ROBO2: variants seen among roughly 807,000 people sequenced by gnomAD.
The protein encoded by ROBO2 is roundabout homolog 2.
In ROBO2, 53 loss-of-function variants were observed where a neutral mutation model predicts 160.8. That is an observed-to-expected ratio of 0.33 (90% CI 0.26 to 0.41). ROBO2 has a LOEUF of 0.41. Among genes scored for constraint, ROBO2 ranks in the 10% least tolerant of loss-of-function variants. The pLI, the probability that ROBO2 is intolerant of heterozygous loss-of-function variation, is 1.00. For missense variants in ROBO2, 1,577 were observed against 1,722.4 expected (o/e 0.92, Z 1.49); for synonymous variants, 664 against 611.7 (o/e 1.09, Z -1.26).
chr3:77,490,158 G>T (rs1327818730), intron 4 of ROBO2, among the ~76,000 whole-genome samples: 130 of 149,758 alleles, frequency 8.7e-4, no homozygotes, highest in Non-Finnish European at 8.8e-4. Context: ...TGGAGTGCAG[G>T]GGCCCAATCT....
At chr3:77,205,963 T>A (rs2083398088) in intron 2 of ROBO2, among the ~76,000 whole-genome samples, 1 of 152,090 alleles carries the variant, frequency 6.6e-6, no homozygotes, top group Non-Finnish European at 1.5e-5. Flanking sequence ...TTTGGGGGAC[T>A]GGAAATTTGA....
intron 2 of ROBO2, among the ~76,000 whole-genome samples, chr3:76,651,265 G>T (rs975306501): frequency 6.6e-6 from 1 of 151,972 alleles, no homozygotes; most frequent in Non-Finnish European, 1.5e-5. Context: ...GAAGTTCCAG[G>T]GTTCTAGCTC....
chr3:76,950,357 T>C (rs1187072742), intron 2 of ROBO2, among the ~76,000 whole-genome samples: 6 of 152,230 alleles, frequency 3.9e-5, no homozygotes, highest in Non-Finnish European at 7.3e-5. Context: ...TTAATCTTTA[T>C]GTTACTTTGT....
At chr3:76,011,454 G>A (rs2066192153) in intron 2 of ROBO2, among the ~76,000 whole-genome samples, 1 of 152,086 alleles carries the variant, frequency 6.6e-6, no homozygotes, top group Non-Finnish European at 1.5e-5. Context: ...GAAGTGGTTG[G>A]TTTAGATGGG....
chr3:76,380,276 A>G (rs1384851929), intron 2 of ROBO2, among the ~76,000 whole-genome samples: 1 of 152,154 alleles, frequency 6.6e-6, no homozygotes, highest in East Asian at 1.9e-4. Flanking sequence ...ACATTTCCTA[A>G]TTCATCTAGT....
chr3:77,593,003 T>A (rs1042424474), intron 17 of ROBO2, among the ~76,000 whole-genome samples: 6 of 152,208 alleles, frequency 3.9e-5, no homozygotes, highest in African/African-American at 1.4e-4. Flanking sequence ...TTCTCTAATA[T>A]TATTTATTGC....
chr3:76,674,666 C>G (rs1464247450), intron 2 of ROBO2, among the ~76,000 whole-genome samples: 1 of 150,370 alleles, frequency 6.7e-6, no homozygotes, highest in Non-Finnish European at 1.5e-5. Flanking sequence ...ATAGCACAAA[C>G]AAACAGTGCT....
chr3:76,127,084 G>A (rs1282003707), intron 2 of ROBO2, among the ~76,000 whole-genome samples: 1 of 152,058 alleles, frequency 6.6e-6, no homozygotes, highest in Non-Finnish European at 1.5e-5. Context: ...GTTCTTAGAT[G>A]CTCAGGAATT....
exon 5 of ROBO2, chr3:77,493,284 A>G: frequency 6.2e-7 from 1 of 1,613,924 alleles, no homozygotes; most frequent in South Asian, 1.1e-5. Context: ...ACCAGGTGGT[A>G]CTGGAGGAAG....
chr3:76,802,350 A>G (rs747266120), intron 2 of ROBO2, among the ~76,000 whole-genome samples: 2 of 152,182 alleles, frequency 1.3e-5, no homozygotes, highest in Non-Finnish European at 2.9e-5. Flanking sequence ...TTGAAAATCT[A>G]TTAGTTTACC....
At chr3:76,439,272 A>G (rs1413464511) in intron 2 of ROBO2, among the ~76,000 whole-genome samples, 1 of 150,468 alleles carries the variant, frequency 6.6e-6, no homozygotes, top group Non-Finnish European at 1.5e-5. Context: ...AACAGAAACA[A>G]ATGTAAAATG....
chr3:76,244,276 G>A (rs1259867545), intron 2 of ROBO2, among the ~76,000 whole-genome samples: 1 of 152,164 alleles, frequency 6.6e-6, no homozygotes, highest in East Asian at 1.9e-4. Context: ...CTTTGTCTTT[G>A]TAACATAAAT....
chr3:77,008,675 G>A (rs113437631), intron 2 of ROBO2, among the ~76,000 whole-genome samples: 29 of 152,112 alleles, frequency 1.9e-4, no homozygotes, highest in African/African-American at 6.0e-4. Context: ...AGCTGAAAAC[G>A]CACCTGAAAG....
intron 2 of ROBO2, among the ~76,000 whole-genome samples, chr3:77,258,668 A>G (rs778674692): frequency 1.3e-5 from 2 of 151,416 alleles, no homozygotes; most frequent in Non-Finnish European, 2.9e-5. Context: ...TAAGAATTTC[A>G]TGCCTTTCAA....
In ROBO2 at chr3:75,912,886, A is replaced by G. The variant is rs1420836111; in HGVS notation, c.-14+5926A>G. Among the ~76,000 whole-genome samples, 5 of 152,158 alleles carry G rather than the reference A, an allele frequency of 3.3e-5. No individual in the cohort carries two copies. In the East Asian group the frequency reaches 9.6e-4, roughly 29 times the overall value. On this transcript the variant is annotated intron_variant, in intron 1 of 26. Transcript: ENST00000487694. ...AATCCCTTAAGTTTGTCACTATTGC[A>G]CTTTATTTCCTTTGCTTATTGTAGT...
intron 2 of ROBO2, among the ~76,000 whole-genome samples, chr3:76,228,567 A>C (rs1388723648): frequency 3.3e-5 from 5 of 152,200 alleles, no homozygotes; most frequent in African/African-American, 1.2e-4. Flanking sequence ...TCATATTCAT[A>C]AAAGAACAAA....
At chr3:75,939,512 T>C (rs895555041) in intron 2 of ROBO2, among the ~76,000 whole-genome samples, 2 of 152,140 alleles carry the variant, frequency 1.3e-5, no homozygotes, top group African/African-American at 4.8e-5. Flanking sequence ...AAATGCAAGT[T>C]AAGTAATTTG....
intron 2 of ROBO2, among the ~76,000 whole-genome samples, chr3:76,992,655 A>G (rs896132450): frequency 1.7e-4 from 25 of 151,512 alleles, no homozygotes; most frequent in African/African-American, 6.0e-4. Flanking sequence ...TTTTTTTTCT[A>G]TATGAAGGGC....
At chr3:76,083,138 T>G (rs2068889023) in intron 2 of ROBO2, among the ~76,000 whole-genome samples, 1 of 152,000 alleles carries the variant, frequency 6.6e-6, no homozygotes, top group South Asian at 2.1e-4. Flanking sequence ...GTATCAGAGG[T>G]GTTGAACATC....
Sources: gnomAD v4.1 joint callset for allele counts (sites outside exome capture counted in the v4.1 genomes callset) on GRCh38, gnomAD v4.1.1 for gene constraint, MANE v1.5 for transcripts, NCBI Gene and HGNC (gene_info 2026-07-23, HGNC 2026-07-21) for gene names.